Variants in TRPC5 observed in about 807,000 individuals in gnomAD.
TRPC5 encodes the protein short transient receptor potential channel 5.
Under a neutral mutation model 56.5 loss-of-function variants are expected in TRPC5, and 9 were observed. The ratio of observed to expected loss-of-function variants is 0.16; its 90% confidence interval spans 0.10 to 0.28. The LOEUF is 0.28. TRPC5 is among the 10% of genes least tolerant of loss of function. TRPC5 has a pLI of 1.00. For missense variants in TRPC5, 469 were observed against 748.9 expected (o/e 0.63, Z 4.36); for synonymous variants, 282 against 278.5 (o/e 1.01, Z -0.13).
intron 1 of TRPC5, among the ~76,000 whole-genome samples, chrX:111,972,065 G>A (rs925320666): frequency 9.0e-6 from 1 of 111,182 alleles, no homozygotes; most frequent in Admixed American, 9.6e-5. Flanking sequence ...TATGAAATGC[G>A]TCCTTCTTGG....
At chrX:111,956,169 C>T (rs1329163301) in intron 1 of TRPC5, among the ~76,000 whole-genome samples, 2 of 112,657 alleles carry the variant, frequency 1.8e-5, no homozygotes, top group Non-Finnish European at 3.7e-5. Flanking sequence ...AGATTTCTGC[C>T]CAGCATAAGA....
chrX:111,989,973 AT>A (rs1928311126), intron 1 of TRPC5, among the ~76,000 whole-genome samples: 2 of 112,607 alleles, frequency 1.8e-5, no homozygotes, highest in Admixed American at 1.9e-4. Flanking sequence ...GGTTTCTTGG[AT>A]TGGGAGAAAG....
chrX:111,888,147 C>T (rs970431055), intron 3 of TRPC5, among the ~76,000 whole-genome samples: 1 of 111,280 alleles, frequency 9.0e-6, no homozygotes, highest in African/African-American at 3.3e-5. Context: ...TATAAAGAAC[C>T]TAAAGAGGAA....
At chrX:111,868,642 C>T (rs1923621526) in intron 3 of TRPC5, among the ~76,000 whole-genome samples, 1 of 112,072 alleles carries the variant, frequency 8.9e-6, no homozygotes, top group South Asian at 3.7e-4. Flanking sequence ...GGGAGACTTA[C>T]AGCTGTAAAC....
At chrX:112,069,336 T>C (rs901645947) in intron 1 of TRPC5, among the ~76,000 whole-genome samples, 3 of 111,909 alleles carry the variant, frequency 2.7e-5, no homozygotes, top group Non-Finnish European at 5.6e-5. Flanking sequence ...GCTTTGGGCA[T>C]GTGTGTGCTA....
At chrX:111,801,215 C>T (rs771934501) in intron 7 of TRPC5, among the ~76,000 whole-genome samples, 1 of 112,044 alleles carries the variant, frequency 8.9e-6, no homozygotes, top group Non-Finnish European at 1.9e-5. Flanking sequence ...AATTTTGTAA[C>T]GTGTCGGTAC....
intron 1 of TRPC5, among the ~76,000 whole-genome samples, chrX:112,015,275 C>T (rs928105901): frequency 1.8e-5 from 2 of 111,346 alleles, no homozygotes; most frequent in African/African-American, 3.3e-5. Context: ...ACTCTAGATT[C>T]GGTGGTCCTG....
intron 3 of TRPC5, among the ~76,000 whole-genome samples, chrX:111,863,559 T>C (rs1923464173): frequency 8.9e-6 from 1 of 112,287 alleles, no homozygotes; most frequent in South Asian, 3.7e-4. Flanking sequence ...CATCAGTGAA[T>C]AGAGACAATT....
chrX:111,845,315 C>A (rs549206552), intron 6 of TRPC5, among the ~76,000 whole-genome samples: 1 of 111,135 alleles, frequency 9.0e-6, no homozygotes. Context: ...CAACCTTCTA[C>A]GGAGGAAAAA....
chrX:112,035,958 C>CACATAT (rs1556610546), intron 1 of TRPC5, among the ~76,000 whole-genome samples: 1 of 108,588 alleles, frequency 9.2e-6, no homozygotes, highest in African/African-American at 3.4e-5. Context: ...TACACACACA[C>CACATAT]ATATATATAT....
intron 7 of TRPC5, among the ~76,000 whole-genome samples, chrX:111,819,647 G>A (rs770656215): frequency 2.7e-5 from 3 of 111,822 alleles, no homozygotes; most frequent in South Asian, 7.5e-4. Context: ...CTGCAGGTCC[G>A]TCCTCACCTG....
rs1945840558 is a variant in TRPC5 at position 111,771,038 on chromosome X, A to G, written c.*5275T>C. Reference sequence around the variant, plus strand: ...ATGGTGAAAATGACCTTCACGTTGCAAGTCATTCTAACCTACTTCAGTTAG... The same window carrying G: ...ATGGTGAAAATGACCTTCACGTTGCGAGTCATTCTAACCTACTTCAGTTAG... On this transcript the variant is annotated 3_prime_UTR_variant, in exon 11 of 11. Transcript: ENST00000262839. 8.9e-6 allele frequency among the ~76,000 whole-genome samples: 1 copy of G among 111,920 alleles called. No individual in the cohort carries two copies. The highest frequency in any genetic ancestry group is 3.2e-5 in the African/African-American group (1 of 30,785).
intron 1 of TRPC5, among the ~76,000 whole-genome samples, chrX:112,006,511 G>A (rs1015568589): frequency 3.1e-4 from 35 of 111,326 alleles, no homozygotes; most frequent in African/African-American, 1.1e-3. Context: ...AGAGGCTACG[G>A]AATTTGCCCA....
chrX:111,805,997 G>A (rs1254775740), intron 7 of TRPC5, among the ~76,000 whole-genome samples: 1 of 108,832 alleles, frequency 9.2e-6, no homozygotes. Flanking sequence ...CAGCTCTGTA[G>A]TTTTGGTAAA....
At chrX:111,948,943 A>G (rs773723015) in intron 2 of TRPC5, among the ~76,000 whole-genome samples, 2 of 111,480 alleles carry the variant, frequency 1.8e-5, no homozygotes, top group Admixed American at 1.9e-4. Flanking sequence ...AAATCTAATC[A>G]AATAACCAAG....
intron 1 of TRPC5, among the ~76,000 whole-genome samples, chrX:112,043,541 C>G (rs1569530056): frequency 1.8e-5 from 2 of 109,738 alleles, no homozygotes; most frequent in Non-Finnish European, 3.8e-5. Flanking sequence ...ATTTTAAGAC[C>G]TAGCGTGAAA....
At chrX:111,833,687 TAAC>T (rs1198597120) in intron 7 of TRPC5, among the ~76,000 whole-genome samples, 1 of 111,361 alleles carries the variant, frequency 9.0e-6, no homozygotes. Context: ...CGTTCACTAT[TAAC>T]AATAACATTT....
intron 1 of TRPC5, among the ~76,000 whole-genome samples, chrX:111,989,938 TG>T (rs1483442508): frequency 1.8e-5 from 2 of 112,495 alleles, no homozygotes; most frequent in African/African-American, 6.5e-5. Flanking sequence ...TTTTTACCTT[TG>T]GGGGGAAAAT....
chrX:111,952,022 G>T lies in TRPC5; in HGVS notation c.378+21C>A, dbSNP rs370660700. ...CCCTGTTGTGCCTGGCTATTTCCCA[G>T]CCTATAGGAATTTCTCTTACCTGCT... On this transcript the variant is annotated intron_variant, in intron 2 of 10. Coordinates refer to ENST00000262839, the MANE Select transcript of TRPC5 (RefSeq NM_012471.3). 47 of 1,187,689 alleles carry T rather than the reference G, an allele frequency of 4.0e-5. No individual in the cohort carries two copies. In the East Asian group the frequency reaches 1.3e-3, roughly 34 times the overall value.
Sources: gnomAD v4.1 joint callset for allele counts (sites outside exome capture counted in the v4.1 genomes callset) on GRCh38, gnomAD v4.1.1 for gene constraint, MANE v1.5 for transcripts, NCBI Gene and HGNC (gene_info 2026-07-23, HGNC 2026-07-21) for gene names.